The following CDH12 variants were observed in gnomAD, a reference collection of about 807,000 sequenced individuals.
CDH12 encodes the protein cadherin 12.
Under a neutral mutation model 74.1 loss-of-function variants are expected in CDH12, and 41 were observed. The ratio of observed to expected loss-of-function variants is 0.55; its 90% CI spans 0.43 to 0.72. The LOEUF is 0.72. CDH12 is among the 30% of genes least tolerant of loss of function. The probability of loss-of-function intolerance (pLI) is 0.00; values close to 1 mark genes in which losing one functional copy is unlikely to be tolerated. For missense variants in CDH12, 945 were observed against 977.2 expected (o/e 0.97, Z 0.44); for synonymous variants, 399 against 355.0 (o/e 1.12, Z -1.39).
intron 1 of CDH12, among the ~76,000 whole-genome samples, chr5:22,758,322 CA>C (rs1746035484): frequency 1.3e-5 from 2 of 152,138 alleles, no homozygotes; most frequent in South Asian, 4.1e-4. Context: ...ACTGTTCTGG[CA>C]ACTACCTTAG....
intron 9 of CDH12, among the ~76,000 whole-genome samples, chr5:21,808,924 T>G (rs1747588533): frequency 6.6e-6 from 1 of 152,026 alleles, no homozygotes; most frequent in African/African-American, 2.4e-5. Context: ...AAACGTAGAT[T>G]TTAGTTTGGA....
At chr5:22,436,781 A>G (rs564058867) in intron 2 of CDH12, among the ~76,000 whole-genome samples, 2 of 152,326 alleles carry the variant, frequency 1.3e-5, no homozygotes, top group African/African-American at 4.8e-5. Flanking sequence ...ATTTGTTCAT[A>G]GAATTGAAAT....
chr5:22,792,488 T>C (rs1747967526), intron 1 of CDH12, among the ~76,000 whole-genome samples: 1 of 152,256 alleles, frequency 6.6e-6, no homozygotes, highest in Non-Finnish European at 1.5e-5. Flanking sequence ...TTATCAGTTT[T>C]AGTTTTTGTT....
chr5:21,771,720 C>T (rs1745334403), intron 11 of CDH12, among the ~76,000 whole-genome samples: 1 of 152,076 alleles, frequency 6.6e-6, no homozygotes, highest in East Asian at 1.9e-4. Context: ...TTACATCTCT[C>T]CAGGATCAGG....
intron 8 of CDH12, among the ~76,000 whole-genome samples, chr5:21,830,648 G>T (rs6884391): frequency 8.6e-5 from 13 of 151,826 alleles, no homozygotes; most frequent in African/African-American, 2.2e-4. Flanking sequence ...AGTTTAGTCA[G>T]GCCCCAGTGA....
chr5:22,631,255 T>G (rs2126856700), intron 1 of CDH12, among the ~76,000 whole-genome samples: 1 of 152,262 alleles, frequency 6.6e-6, no homozygotes, highest in East Asian at 1.9e-4. Flanking sequence ...AAAACAGAAT[T>G]ACCATTCGAC....
At chr5:21,955,005 A>G (rs1195917082) in intron 6 of CDH12, among the ~76,000 whole-genome samples, 1 of 152,136 alleles carries the variant, frequency 6.6e-6, no homozygotes, top group Non-Finnish European at 1.5e-5. Flanking sequence ...TATTGAGTAG[A>G]GTAGTAATAC....
intron 9 of CDH12, among the ~76,000 whole-genome samples, chr5:21,815,156 T>C (rs1324490349): frequency 6.6e-6 from 1 of 152,120 alleles, no homozygotes; most frequent in African/African-American, 2.4e-5. Flanking sequence ...TATATATTGC[T>C]TCCTTGTTAA....
At chr5:22,025,199 C>T (rs923728776) in intron 5 of CDH12, among the ~76,000 whole-genome samples, 2 of 151,984 alleles carry the variant, frequency 1.3e-5, no homozygotes, top group African/African-American at 2.4e-5. Context: ...CTAGCCATGG[C>T]TAACACAAAA....
rs531354322 is a variant in CDH12 at position 22,149,926 on chromosome 5, G to A, written c.-187+62572C>T. 1.6e-4 allele frequency among the ~76,000 whole-genome samples: 25 copies of A among 152,212 alleles called. 1 individual carries two copies. The highest frequency in any genetic ancestry group is 1.5e-3 in the South Asian group (7 of 4,818). On this transcript the variant is annotated intron_variant, in intron 4 of 14. Transcript: ENST00000382254. ...AGAGAATTGCTTGAACCTGGAAGGCGGAGGTTGCAATGAGCCAAGATCATG... is the reference window on the plus strand; with the variant it reads ...AGAGAATTGCTTGAACCTGGAAGGCAGAGGTTGCAATGAGCCAAGATCATG...
intron 7 of CDH12, among the ~76,000 whole-genome samples, chr5:21,852,008 T>C (rs893224633): frequency 2.6e-5 from 4 of 151,430 alleles, no homozygotes; most frequent in Admixed American, 6.6e-5. Context: ...TTTTCATGCG[T>C]TTTATTTAAT....
At chr5:22,440,963 G>A (rs1486097519) in intron 2 of CDH12, among the ~76,000 whole-genome samples, 3 of 152,134 alleles carry the variant, frequency 2.0e-5, no homozygotes, top group Non-Finnish European at 2.9e-5. Flanking sequence ...TTTTATTTTG[G>A]TGGGAACAAC....
intron 1 of CDH12, among the ~76,000 whole-genome samples, chr5:22,653,576 C>T (rs565423570): frequency 6.6e-5 from 10 of 152,166 alleles, no homozygotes; most frequent in Non-Finnish European, 1.5e-4. Flanking sequence ...ATCATACCTG[C>T]TGCATGCAAA....
chr5:21,797,848 G>A (rs1026497070), intron 10 of CDH12, among the ~76,000 whole-genome samples: 1 of 151,808 alleles, frequency 6.6e-6, no homozygotes, highest in Non-Finnish European at 1.5e-5. Context: ...CTTAAGTATT[G>A]CCTTAAAATC....
intron 3 of CDH12, among the ~76,000 whole-genome samples, chr5:22,235,809 A>G (rs1043892513): frequency 2.2e-4 from 34 of 152,302 alleles, no homozygotes; most frequent in Admixed American, 1.3e-3. Flanking sequence ...CACTAGGGAT[A>G]TGTTCTGAGA....
intron 4 of CDH12, among the ~76,000 whole-genome samples, chr5:22,098,741 T>A (rs930654725): frequency 1.3e-5 from 2 of 152,118 alleles, no homozygotes; most frequent in African/African-American, 4.8e-5. Flanking sequence ...CATGACTGTA[T>A]CCCTCTGATC....
chr5:22,644,271 G>A (rs956139167), intron 1 of CDH12, among the ~76,000 whole-genome samples: 1 of 152,214 alleles, frequency 6.6e-6, no homozygotes, highest in Non-Finnish European at 1.5e-5. Flanking sequence ...AGTGAGCAAA[G>A]TTGTGAATGC....
chr5:22,073,749 C>T (rs190167848), intron 5 of CDH12, among the ~76,000 whole-genome samples: 1 of 152,160 alleles, frequency 6.6e-6, no homozygotes, highest in East Asian at 1.9e-4. Context: ...AGGATATCAG[C>T]ATGAACATCT....
chr5:22,617,492 G>A (rs1183745252), intron 1 of CDH12, among the ~76,000 whole-genome samples: 1 of 152,034 alleles, frequency 6.6e-6, no homozygotes, highest in Non-Finnish European at 1.5e-5. Flanking sequence ...TTATTCATGA[G>A]GTTTCCATCC....
Sources: allele counts gnomAD v4.1 joint callset (sites outside exome capture counted in the v4.1 genomes callset), GRCh38; gene constraint gnomAD v4.1.1; transcripts MANE v1.5; gene names NCBI Gene and HGNC (gene_info 2026-07-23, HGNC 2026-07-21).